Variants in ANXA4 observed in about 807,000 individuals in gnomAD.
The protein encoded by ANXA4 is annexin A4, also known as 35-beta calcimedin.
In ANXA4, 39 loss-of-function variants were observed where a neutral mutation model predicts 49.8. The ratio of observed to expected loss-of-function variants is 0.78; its 90% CI spans 0.61 to 1.02. ANXA4 has a LOEUF of 1.02. Among genes scored for constraint, ANXA4 ranks in the 50% least tolerant of loss-of-function variants. The pLI is 0.00. For missense variants in ANXA4, 360 were observed against 410.1 expected (o/e 0.88, Z 1.05); for synonymous variants, 134 against 152.5 (o/e 0.88, Z 0.89).
chr2:69,644,199 T>C (rs1675907697), upstream of ANXA4, among the ~76,000 whole-genome samples: 1 of 85,954 alleles, frequency 1.2e-5, no homozygotes, highest in Non-Finnish European at 2.2e-5. Flanking sequence ...TGTTCCACCC[T>C]TCTGGAGCCA....
chr2:69,749,524 TA>T (rs1331567499), intron 1 of ANXA4, among the ~76,000 whole-genome samples: 1 of 152,166 alleles, frequency 6.6e-6, no homozygotes, highest in African/African-American at 2.4e-5. Context: ...TGCAGAGTAA[TA>T]CTATGTAGCT....
At chr2:69,658,725 C>T (rs1003135930) in intron 2 of ANXA4, among the ~76,000 whole-genome samples, 3 of 152,102 alleles carry the variant, frequency 2.0e-5, no homozygotes, top group Non-Finnish European at 4.4e-5. Context: ...GACTGAGTCT[C>T]GCTCTGTCGC....
At chr2:69,725,900 A>G (rs1005494201) in intron 3 of ANXA4, among the ~76,000 whole-genome samples, 8 of 152,236 alleles carry the variant, frequency 5.3e-5, no homozygotes, top group African/African-American at 1.7e-4. Flanking sequence ...TCTGTAAAAT[A>G]TGTTTAGTCA....
At chr2:69,822,178 T>G (rs973081520) in intron 12 of ANXA4, among the ~76,000 whole-genome samples, 2 of 151,990 alleles carry the variant, frequency 1.3e-5, no homozygotes, top group Non-Finnish European at 2.9e-5. Flanking sequence ...CTAGCCAACA[T>G]AGTGAGACCC....
At chr2:69,672,535 TA>T (rs1677229555) in intron 2 of ANXA4, among the ~76,000 whole-genome samples, 1 of 152,184 alleles carries the variant, frequency 6.6e-6, no homozygotes, top group Admixed American at 6.6e-5. Context: ...GCCAGCCTAT[TA>T]TGTATTTTAA....
chr2:69,804,656 G>A (rs1673363593), intron 4 of ANXA4, 29 bp downstream of exon 4: 9 of 1,577,402 alleles, frequency 5.7e-6, no homozygotes, highest in Non-Finnish European at 6.1e-6. Flanking sequence ...TGCTCTGTCT[G>A]GCTGACTTCG....
chr2:69,681,676 T>C (rs1018205605), intron 2 of ANXA4, among the ~76,000 whole-genome samples: 4 of 152,214 alleles, frequency 2.6e-5, no homozygotes, highest in Admixed American at 2.6e-4. Context: ...TTTTTCTTGG[T>C]TAGTCTAGCT....
In ANXA4 at chr2:69,804,507, A is replaced by T. The variant is rs771755964; in HGVS notation, c.98-26A>T. ...CTCATTCCTCTCTCAAATCACACTT[A>T]CCTGCTGTCTCCCTTCTTCCCCCAG... On this transcript the variant is annotated intron_variant, in intron 3 of 12. Transcript: ENST00000394295. 3.1e-6 allele frequency: 5 copies of T among 1,593,986 alleles called. No homozygotes were observed. The Admixed American group carries it at 8.4e-5, about 27-fold the overall frequency.
intron 3 of ANXA4, among the ~76,000 whole-genome samples, chr2:69,732,085 C>A (rs1454620126): frequency 4.1e-5 from 6 of 145,966 alleles, no homozygotes; most frequent in African/African-American, 1.5e-4. Flanking sequence ...TCATGCCATT[C>A]TCCTGCCTCA....
chr2:69,744,696 C>T (rs1042568987), intron 1 of ANXA4, among the ~76,000 whole-genome samples: 3 of 152,102 alleles, frequency 2.0e-5, no homozygotes, highest in African/African-American at 7.2e-5. Flanking sequence ...GCTGAGGATC[C>T]CAAGGTTCCA....
intron 1 of ANXA4, among the ~76,000 whole-genome samples, chr2:69,767,554 CAT>C (rs2105545359): frequency 1.3e-5 from 2 of 152,298 alleles, no homozygotes; most frequent in African/African-American, 4.8e-5. Context: ...CCCAAAGAGA[CAT>C]ATTACAGAGC....
chr2:69,759,909 T>G (rs1034880668), intron 1 of ANXA4, among the ~76,000 whole-genome samples: 2 of 152,178 alleles, frequency 1.3e-5, no homozygotes, highest in Non-Finnish European at 2.9e-5. Flanking sequence ...CTTGGCTCAC[T>G]GCAAGCTCCA....
chr2:69,794,522 A>ATG (rs1672840988), intron 3 of ANXA4, among the ~76,000 whole-genome samples: 333 of 126,360 alleles, frequency 2.6e-3, no homozygotes, highest in Middle Eastern at 3.9e-3. Flanking sequence ...GTTATGTTAT[A>ATG]TTATGTTATG....
intron 1 of ANXA4, among the ~76,000 whole-genome samples, chr2:69,775,183 G>A (rs901230666): frequency 7.2e-5 from 11 of 152,166 alleles, no homozygotes; most frequent in African/African-American, 2.2e-4. Context: ...AGAGTTCTTA[G>A]TGATATTGTC....
intron 2 of ANXA4, among the ~76,000 whole-genome samples, chr2:69,712,767 AGAT>A (rs2105409956): frequency 6.6e-6 from 1 of 152,326 alleles, no homozygotes; most frequent in Admixed American, 6.5e-5. Context: ...TTTTGTTTTC[AGAT>A]GTGCCTAGAA....
intron 1 of ANXA4, among the ~76,000 whole-genome samples, chr2:69,769,269 A>G (rs1223229943): frequency 1.1e-5 from 1 of 94,158 alleles, no homozygotes; most frequent in African/African-American, 3.6e-5. Flanking sequence ...CCCAGCAATC[A>G]TTGAGGCCAC....
intron 2 of ANXA4, among the ~76,000 whole-genome samples, chr2:69,714,754 G>A (rs1678818749): frequency 6.6e-6 from 1 of 152,216 alleles, no homozygotes; most frequent in South Asian, 2.1e-4. Context: ...AGGTGCCTGA[G>A]TCGGTCAGCA....
At chr2:69,644,422 G>A (rs1567386), upstream of ANXA4, 21,277 of 152,106 alleles carry the variant, frequency 0.14, 3,203 homozygotes, top group East Asian at 0.39. Context: ...CGCCAGCCTT[G>A]AAATAAGTAA....
chr2:69,733,732 G>T (rs765079384), intron 3 of ANXA4, among the ~76,000 whole-genome samples: 12 of 151,732 alleles, frequency 7.9e-5, no homozygotes, highest in Non-Finnish European at 1.8e-4. Flanking sequence ...GTCCATTTTT[G>T]GCCTGTTTTA....
Sources: gnomAD v4.1 joint callset for allele counts (sites outside exome capture counted in the v4.1 genomes callset) on GRCh38, gnomAD v4.1.1 for gene constraint, MANE v1.5 for transcripts, NCBI Gene and HGNC (gene_info 2026-07-23, HGNC 2026-07-21) for gene names.